REC114: variants seen among roughly 807,000 people sequenced by gnomAD.
REC114 encodes the protein REC114 meiotic recombination protein.
REC114 carries 27 observed loss-of-function variants against 31.3 expected under a neutral mutation model. The observed-to-expected ratio is 0.86, with a 90% confidence interval of 0.64 to 1.19. The LOEUF is 1.19. Ranked by LOEUF, REC114 falls within the 50% of genes most tolerant of loss-of-function variation. The probability of loss-of-function intolerance (pLI) is 0.00; values close to 1 mark genes in which losing one functional copy is unlikely to be tolerated. For synonymous variants in REC114, 134 were observed against 127.7 expected (o/e 1.05, Z -0.33); for missense variants, 344 against 326.9 (o/e 1.05, Z -0.40).
At chr15:73,542,573 C>T (rs1275175879) in intron 3 of REC114, among the ~76,000 whole-genome samples, 1 of 152,076 alleles carries the variant, frequency 6.6e-6, no homozygotes, top group Non-Finnish European at 1.5e-5. Flanking sequence ...CCCACAACCC[C>T]CAGAAGATGC....
At chr15:73,551,191 A>G (rs1894388058) in intron 4 of REC114, 41 bp downstream of exon 4, 1 of 1,539,560 alleles carries the variant, frequency 6.5e-7, no homozygotes, top group Non-Finnish European at 8.8e-7. Flanking sequence ...AAACATGACA[A>G]TGCAGTGCAC....
chr15:73,505,133 T>G (rs1280141907), intron 2 of REC114, among the ~76,000 whole-genome samples: 1 of 152,204 alleles, frequency 6.6e-6, no homozygotes, highest in African/African-American at 2.4e-5. Flanking sequence ...ATTTATCTTT[T>G]AATCCCATTA....
chr15:73,525,287 T>A (rs1177823269), intron 2 of REC114, among the ~76,000 whole-genome samples: 1 of 152,210 alleles, frequency 6.6e-6, no homozygotes, highest in Non-Finnish European at 1.5e-5. Flanking sequence ...TCTTGATCAA[T>A]CTAGATAGAG....
At chr15:73,504,245 CG>C (rs1893643640) in intron 2 of REC114, among the ~76,000 whole-genome samples, 1 of 151,976 alleles carries the variant, frequency 6.6e-6, no homozygotes, top group Admixed American at 6.5e-5. Flanking sequence ...ACCTCGTGAT[CG>C]CCCTCCTCAG....
At chr15:73,549,192 A>T (rs1275949889) in intron 3 of REC114, among the ~76,000 whole-genome samples, 4 of 152,216 alleles carry the variant, frequency 2.6e-5, no homozygotes, top group Admixed American at 6.5e-5. Flanking sequence ...AAAAAAAATT[A>T]TGAGATCTTG....
chr15:73,549,176 G>GT (rs1043974965), intron 3 of REC114, among the ~76,000 whole-genome samples: 3 of 151,264 alleles, frequency 2.0e-5, no homozygotes, highest in African/African-American at 7.3e-5. Context: ...TAGAATAAAA[G>GT]TTAAAAAAAA....
rs780798070 is a variant in REC114, at chr15:73,443,190, C to T, written c.5C>T (p.Ala2Val). MAEAGKVPLSLG... is the reference protein window; with the variant it reads MVEAGKVPLSLG... ...GTGCGTGTGGTGAGGCAGGACATGGCGGAGGCAGGAAAAGTGCCCTTGAGC... is the reference window on the plus strand; with the variant it reads ...GTGCGTGTGGTGAGGCAGGACATGGTGGAGGCAGGAAAAGTGCCCTTGAGC... Residue 2 changes from alanine to valine, a missense_variant, in exon 1 of 6, where the codon GCG becomes GTG. Physicochemically the swap from Ala to Val is moderately conservative, Grantham distance 64 (BLOSUM62 0). Transcript: ENST00000331090. 5.8e-6 allele frequency: 9 copies of T among 1,564,870 alleles called. No homozygotes were observed. The highest frequency in any genetic ancestry group is 6.1e-6 in the Non-Finnish European group (7 of 1,156,608).
At chr15:73,478,697 T>A (rs1893251082) in intron 2 of REC114, among the ~76,000 whole-genome samples, 1 of 152,230 alleles carries the variant, frequency 6.6e-6, no homozygotes, top group Non-Finnish European at 1.5e-5. Flanking sequence ...TTCTAAGTAG[T>A]GAGCATATTT....
intron 1 of REC114, among the ~76,000 whole-genome samples, chr15:73,448,099 GTT>G (rs112509142): frequency 2.8e-5 from 4 of 145,322 alleles, no homozygotes; most frequent in African/African-American, 1.0e-4. Context: ...GAGTTTGTTT[GTT>G]TTTTTTTTTT....
At chr15:73,545,185 T>C (rs551566979) in intron 3 of REC114, among the ~76,000 whole-genome samples, 1 of 152,328 alleles carries the variant, frequency 6.6e-6, no homozygotes, top group Non-Finnish European at 1.5e-5. Context: ...AAATTAAGTG[T>C]TCTGAAGGAG....
rs1354704665 is a variant in REC114 at position 73,544,967 on chromosome 15, C to A, written c.333+4399C>A. On this transcript the variant is annotated intron_variant, in intron 3 of 5. Transcript: ENST00000331090. ...GGCTCTCTATGTCATGTTAACTGGG[C>A]TCCACATTTTCCAGGGCATGACGAT... 2.6e-5 allele frequency among the ~76,000 whole-genome samples: 4 copies of A among 152,296 alleles called. No individual in the cohort carries two copies. In the East Asian group the frequency reaches 7.7e-4, roughly 29 times the overall value.
chr15:73,465,477 AC>A (rs914501723), intron 1 of REC114, among the ~76,000 whole-genome samples: 1 of 152,140 alleles, frequency 6.6e-6, no homozygotes, highest in African/African-American at 2.4e-5. Context: ...TCAGATGCCT[AC>A]CTTAACCTCT....
chr15:73,474,051 C>A, intron 2 of REC114, 130 bp downstream of exon 2: 1 of 677,216 alleles, frequency 1.5e-6, no homozygotes, highest in Non-Finnish European at 2.6e-6. Context: ...AAGCATTTAT[C>A]GAATGTGCCA....
intron 2 of REC114, among the ~76,000 whole-genome samples, chr15:73,537,195 C>T (rs1894167082): frequency 1.3e-5 from 2 of 152,104 alleles, no homozygotes; most frequent in South Asian, 4.2e-4. Flanking sequence ...AACACACAGA[C>T]ACAATGATAA....
chr15:73,444,651 A>G lies in REC114; in HGVS notation c.159+1307A>G, dbSNP rs529381083. Reference sequence around the variant, plus strand: ...AAGTCATCCGTGAGGGTTGGAATCAACTTCTTCCAAATTCCTGTTAATGTT... The same window carrying G: ...AAGTCATCCGTGAGGGTTGGAATCAGCTTCTTCCAAATTCCTGTTAATGTT... On this transcript the variant is annotated intron_variant, in intron 1 of 5. Transcript: ENST00000331090. 2.6e-5 allele frequency among the ~76,000 whole-genome samples: 4 copies of G among 152,182 alleles called. No homozygotes were observed. In the East Asian group the frequency reaches 5.8e-4, roughly 22 times the overall value.
chr15:73,469,600 T>TTACATTTACTC (rs1237333531), intron 1 of REC114, among the ~76,000 whole-genome samples: 1 of 151,800 alleles, frequency 6.6e-6, no homozygotes, highest in Non-Finnish European at 1.5e-5. Flanking sequence ...TGGCTAATTT[T>TTACATTTACTC]TACATTTTCT....
intron 1 of REC114, among the ~76,000 whole-genome samples, chr15:73,459,240 T>G (rs914251727): frequency 4.6e-5 from 7 of 151,904 alleles, no homozygotes; most frequent in African/African-American, 1.4e-4. Flanking sequence ...TTTCTTTTTT[T>G]TTTTTTGGAG....
intron 3 of REC114, among the ~76,000 whole-genome samples, chr15:73,545,276 G>T (rs556154251): frequency 1.2e-4 from 18 of 152,276 alleles, no homozygotes; most frequent in Non-Finnish European, 2.1e-4. Context: ...AGAAACTAGA[G>T]ACTGTATATT....
At chr15:73,479,719 G>A (rs1419510250) in intron 2 of REC114, among the ~76,000 whole-genome samples, 1 of 152,104 alleles carries the variant, frequency 6.6e-6, no homozygotes, top group Non-Finnish European at 1.5e-5. Context: ...TTAGCATAAT[G>A]TATTCCAGGT....
Sources: gnomAD v4.1 joint callset for allele counts (sites outside exome capture counted in the v4.1 genomes callset) on GRCh38, gnomAD v4.1.1 for gene constraint, MANE v1.5 for transcripts, NCBI Gene and HGNC (gene_info 2026-07-23, HGNC 2026-07-21) for gene names.